SMARCD3: variants seen among roughly 807,000 people sequenced by gnomAD.
SMARCD3 encodes the protein SWI/SNF-related matrix-associated actin-dependent regulator of chromatin subfamily D member 3.
SMARCD3 carries 14 observed loss-of-function variants against 58.0 expected under a neutral mutation model. The observed-to-expected ratio is 0.24, with a 90% CI of 0.16 to 0.38. The LOEUF is 0.38. Among genes scored for constraint, SMARCD3 ranks in the 10% least tolerant of loss-of-function variants. The pLI is 1.00. For missense variants in SMARCD3, 408 were observed against 636.9 expected (o/e 0.64, Z 3.87); for synonymous variants, 253 against 253.8 (o/e 1.00, Z 0.03).
intron 2 of SMARCD3, among the ~76,000 whole-genome samples, chr7:151,254,128 C>T (rs1015498227): frequency 2.2e-4 from 34 of 152,308 alleles, no homozygotes; most frequent in Admixed American, 1.8e-3. Context: ...CCATCTCTGG[C>T]TCCACTGGCC....
At chr7:151,262,144 G>A (rs1803938693) in intron 2 of SMARCD3, among the ~76,000 whole-genome samples, 1 of 151,872 alleles carries the variant, frequency 6.6e-6, no homozygotes, top group Non-Finnish European at 1.5e-5. Flanking sequence ...CTGTAGTGCA[G>A]TGGTGTGATC....
intron 1 of SMARCD3, among the ~76,000 whole-genome samples, chr7:151,275,803 G>A (rs571061923): frequency 2.7e-4 from 41 of 152,314 alleles, no homozygotes; most frequent in Middle Eastern, 3.4e-3. Context: ...AGAGCAGGAA[G>A]GCCTCCAGCT....
In SMARCD3 at chr7:151,275,260, A is replaced by G. The variant is rs1795306092; in HGVS notation, c.-99-9T>C. 11 of 956,050 alleles carry G rather than the reference A, an allele frequency of 1.2e-5. No homozygotes were observed. In the South Asian group the frequency reaches 1.5e-4, roughly 13 times the overall value. 59.2% of individuals were successfully genotyped at this position (956,050 alleles called of 1,614,324 possible). On this transcript the variant is annotated splice_polypyrimidine_tract_variant and intron_variant, in intron 1 of 13. Coordinates refer to the SMARCD3 transcript ENST00000356800. Reference sequence around the variant, plus strand: ...AGGGCCATTCTGAGGATCTGAAAGGAGAGGTCAGACCCTGAGCCCCAGCGT... The same window carrying G: ...AGGGCCATTCTGAGGATCTGAAAGGGGAGGTCAGACCCTGAGCCCCAGCGT...
chr7:151,242,507 G>A lies in SMARCD3; in HGVS notation c.553C>T (p.Arg185Trp), dbSNP rs1433016347. The change falls in exon 5 of 13, where the codon CGG becomes TGG. Residue 185 changes from arginine (R) to tryptophan (W), a missense_variant. Arg to Trp is a moderately radical substitution (Grantham distance 101). This residue lies in a region of SMARCD3 where 128 missense variants were observed against 188.8 expected (regional missense o/e 0.68). Coordinates refer to ENST00000262188, the MANE Select transcript of SMARCD3 (RefSeq NM_001003801.2). The surrounding 1 kb of genome is among the most constrained non-coding windows in gnomAD (Gnocchi z 4.7). ...SDGSIASWELRVEGKLLDDPS... is the reference protein window; with the variant it reads ...SDGSIASWELWVEGKLLDDPS... ...TCATCCAGGAGCTTCCCCTCCACCC[G>A]TAGCTCCCAGGAGGCAATGCTGCCG... 1 of 1,613,926 alleles carries A rather than the reference G, an allele frequency of 6.2e-7. No individual in the cohort carries two copies. Among genetic ancestry groups the A allele is most frequent in the Non-Finnish European group, 8.5e-7 (1 of 1,180,000 alleles).
At chr7:151,256,565 C>G (rs1416733866) in intron 2 of SMARCD3, among the ~76,000 whole-genome samples, 2 of 152,200 alleles carry the variant, frequency 1.3e-5, no homozygotes, top group African/African-American at 4.8e-5. Context: ...GAGAAAGACA[C>G]ACAGCCACCC....
chr7:151,266,630 T>C (rs747698596), intron 2 of SMARCD3, among the ~76,000 whole-genome samples: 1 of 152,240 alleles, frequency 6.6e-6, no homozygotes, highest in Non-Finnish European at 1.5e-5. Flanking sequence ...CTTAGCAAAT[T>C]TGCCCAATTA....
intron 2 of SMARCD3, among the ~76,000 whole-genome samples, chr7:151,271,534 G>A (rs1458854910): frequency 6.6e-6 from 1 of 152,130 alleles, no homozygotes; most frequent in Admixed American, 6.6e-5. Flanking sequence ...TGCTTAAGGA[G>A]CTCTTTATTT....
rs1803207604 is a variant in SMARCD3, at chr7:151,245,385, C to A, written c.290+75G>T. 1 of 555,100 alleles carries A rather than the reference C, an allele frequency of 1.8e-6. No homozygotes were observed. Among genetic ancestry groups the A allele is most frequent in the Admixed American group, 4.5e-5 (1 of 22,358 alleles). 34.4% of individuals were successfully genotyped at this position (555,100 alleles called of 1,614,324 possible). A position where few individuals can be genotyped will look rare whatever the true frequency, so the allele number is the denominator to read the frequency against. On this transcript the variant is annotated intron_variant, in intron 2 of 12. Coordinates refer to ENST00000262188, the MANE Select transcript of SMARCD3 (RefSeq NM_001003801.2). The surrounding 1 kb of genome is among the most constrained non-coding windows in gnomAD (Gnocchi z 6.2). ...TCCTCGCCCCTTCCAATCCCCGCTACTCGCTTACCTGGTCCCTGCGGGTCC... is the reference window on the plus strand; with the variant it reads ...TCCTCGCCCCTTCCAATCCCCGCTAATCGCTTACCTGGTCCCTGCGGGTCC...
chr7:151,243,791 C>T lies in SMARCD3; in HGVS notation c.291-90G>A. The T allele has an allele frequency of 1.1e-6, 1 of 929,974 alleles. No homozygotes were observed. The allele number at this position is 929,974 out of a possible 1,614,324, so 57.6% of individuals were successfully genotyped here. ...CTGCTAGATTATCCCGACATCTCCG[C>T]CCGCCTGGCTGGGGTTCCCACAGCC... On this transcript the variant is annotated intron_variant, in intron 2 of 12. Coordinates refer to ENST00000262188, the MANE Select transcript of SMARCD3 (RefSeq NM_001003801.2). The surrounding 1 kb of genome is among the most constrained non-coding windows in gnomAD (Gnocchi z 4.4).
intron 2 of SMARCD3, among the ~76,000 whole-genome samples, chr7:151,244,866 T>G (rs1244563838): frequency 6.6e-6 from 1 of 152,188 alleles, no homozygotes; most frequent in Non-Finnish European, 1.5e-5. Context: ...CACCAGCTGC[T>G]GGAGGAAAGC....
chr7:151,265,044 T>G (rs1360978363), intron 2 of SMARCD3, among the ~76,000 whole-genome samples: 1 of 152,160 alleles, frequency 6.6e-6, no homozygotes, highest in Non-Finnish European at 1.5e-5. Flanking sequence ...ACCATCTCGC[T>G]CCTCTGTTAG....
intron 2 of SMARCD3, among the ~76,000 whole-genome samples, chr7:151,268,323 G>A (rs1384378557): frequency 6.6e-6 from 1 of 152,220 alleles, no homozygotes; most frequent in African/African-American, 2.4e-5. Flanking sequence ...GGGTGGAGCT[G>A]AGGAGGGGCT....
intron 2 of SMARCD3, among the ~76,000 whole-genome samples, chr7:151,255,514 G>T (rs1803671676): frequency 6.6e-6 from 1 of 152,098 alleles, no homozygotes; most frequent in African/African-American, 2.4e-5. Context: ...CTCCTGTCCA[G>T]CCTGCTGCAT....
upstream of SMARCD3, chr7:151,276,814 G>T (rs1795359624): frequency 7.9e-6 from 1 of 125,836 alleles, no homozygotes; most frequent in Admixed American, 7.9e-5. Flanking sequence ...AAGGAGGGGG[G>T]ATGCCTGGCA....
intron 2 of SMARCD3, among the ~76,000 whole-genome samples, chr7:151,267,162 A>C (rs1439392044): frequency 2.0e-5 from 3 of 152,220 alleles, no homozygotes; most frequent in Non-Finnish European, 4.4e-5. Context: ...GATATAGGGA[A>C]ACACTTTGTC....
In SMARCD3 at chr7:151,243,845, C is replaced by T. The variant is rs918153214; in HGVS notation, c.291-144G>A. On this transcript the variant is annotated intron_variant, in intron 2 of 12. Coordinates refer to ENST00000262188, the MANE Select transcript of SMARCD3 (RefSeq NM_001003801.2). This position sits in a 1 kb window ranked among gnomAD's most constrained non-coding sequence, Gnocchi z 4.4. ...TTGTCTGCCCGCCCAAGGGCTGTGA[C>T]GGTGGTGTGTGGAACCGGTGCTCTG... 4 of 743,258 alleles carry T rather than the reference C, an allele frequency of 5.4e-6. No individual in the cohort carries two copies. The highest frequency in any genetic ancestry group is 1.5e-5 in the South Asian group (1 of 67,364). The allele number at this position is 743,258 out of a possible 1,614,324, so 46.0% of individuals were successfully genotyped here. A position where few individuals can be genotyped will look rare whatever the true frequency, so the allele number is the denominator to read the frequency against.
chr7:151,259,092 T>C (rs1216648535), intron 2 of SMARCD3, among the ~76,000 whole-genome samples: 1 of 152,072 alleles, frequency 6.6e-6, no homozygotes, highest in Non-Finnish European at 1.5e-5. Flanking sequence ...TGGCTCACAC[T>C]TGTAATCCCA....
At chr7:151,275,815 G>A (rs763094618) in intron 1 of SMARCD3, among the ~76,000 whole-genome samples, 14 of 152,186 alleles carry the variant, frequency 9.2e-5, no homozygotes, top group Admixed American at 2.6e-4. Context: ...CCTCCAGCTC[G>A]TTGGGTCAGG....
Position 151,248,532 on chromosome 7 carries a change from G to A in SMARCD3, c.31C>T (p.Arg11Cys), listed in dbSNP as rs1803387473. 1 of 1,613,624 alleles carries A rather than the reference G, an allele frequency of 6.2e-7. No homozygotes were observed. The highest frequency in any genetic ancestry group is 8.5e-7 in the Non-Finnish European group (1 of 1,179,720). Residue 11 changes from arginine (R) to cysteine (C), a missense_variant, in exon 1 of 13, where the codon CGC becomes TGC. By Grantham distance (180) the Arg-to-Cys change is radical. Around this residue, in one of 4 missense-constraint regions of SMARCD3, gnomAD observed 84 missense variants for 81.2 expected, o/e 1.03. Transcript: ENST00000262188. This position sits in a 1 kb window ranked among gnomAD's most constrained non-coding sequence, Gnocchi z 6.1. Reference protein sequence around the residue: MAADEVAGGARKATKSKLFEF... With the variant: MAADEVAGGACKATKSKLFEF... ...AAAAGTTTGCTTTTCGTGGCTTTGC[G>A]CGCCCCTCCGGCAACTTCGTCCGCG... is the stretch of plus-strand genomic sequence containing the variant.
Sources: allele counts gnomAD v4.1 joint callset (sites outside exome capture counted in the v4.1 genomes callset), GRCh38; gene constraint gnomAD v4.1.1; regional missense constraint gnomAD v4.1.1; non-coding constraint Gnocchi (gnomAD v3.1); transcripts MANE v1.5; gene names NCBI Gene and HGNC (gene_info 2026-07-23, HGNC 2026-07-21).